The following SORL1 variants were observed in gnomAD, a reference collection of about 807,000 sequenced individuals.
The protein encoded by SORL1 is sortilin-related receptor.
Under a neutral mutation model 273.7 loss-of-function variants are expected in SORL1, and 127 were observed. That is an observed-to-expected ratio of 0.46 (90% confidence interval 0.40 to 0.54). The LOEUF is 0.54. Among genes scored for constraint, SORL1 ranks in the 20% least tolerant of loss-of-function variants. SORL1 has a pLI of 0.00. For missense variants in SORL1, 2,494 were observed against 2,846.1 expected, an observed-to-expected ratio of 0.88 and a Z score of 2.81; for synonymous variants, 1,031 against 1,067.4, an observed-to-expected ratio of 0.97 and a Z score of 0.66.
At position 121,627,717 on chromosome 11, in the gene SORL1, A is replaced by G; in HGVS notation, c.6527A>G (p.His2176Arg). 6.2e-7 allele frequency: 1 copy of G among 1,614,150 alleles called. No individual in the cohort carries two copies. Among genetic ancestry groups the G allele is most frequent in the Non-Finnish European group, 8.5e-7 (1 of 1,180,020 alleles). ...QSSFTAFANSHYSSRLGSAIF... is the reference protein window; with the variant it reads ...QSSFTAFANSRYSSRLGSAIF... The stretch of plus-strand genomic sequence containing the variant: ...AGCTTCACCGCCTTCGCCAACAGCC[A>G]CTACAGCTCCAGGCTGGGGTCCGCA... The change falls in exon 47 of 48, where the codon CAC (histidine) becomes CGC (arginine). Residue 2176 changes from histidine (H) to arginine (R), a missense_variant. Transcript: ENST00000260197. The surrounding 1 kb of genome is among the most constrained non-coding windows in gnomAD (Gnocchi z 4.9).
At chr11:121,539,336 G>A (rs1862311933) in intron 12 of SORL1, among the ~76,000 whole-genome samples, 1 of 152,198 alleles carries the variant, frequency 6.6e-6, no homozygotes, top group Non-Finnish European at 1.5e-5. Flanking sequence ...CTTTTCGTCT[G>A]AGTGCTCTCA....
At position 121,466,032 on chromosome 11, in the gene SORL1, T is replaced by G. The variant is rs187993085; in HGVS notation, c.286-3975T>G. The stretch of plus-strand genomic sequence containing the variant: ...AATGAGCCAGATGCTGTTTGTTGTT[T>G]ATGATGCAGTTTCTGTGTTCAGAGG... On this transcript the variant is annotated intron_variant, in intron 1 of 47. Transcript: ENST00000260197. 2.5e-3 allele frequency among the ~76,000 whole-genome samples: 385 copies of G among 152,310 alleles called. 2 individuals are homozygous for G. Among genetic ancestry groups the G allele is most frequent in the African/African-American group, 8.8e-3 (365 of 41,564 alleles).
intron 1 of SORL1, among the ~76,000 whole-genome samples, chr11:121,456,077 C>T (rs959972713): frequency 6.6e-6 from 1 of 152,102 alleles, no homozygotes; most frequent in African/African-American, 2.4e-5. Flanking sequence ...CTAATTCATG[C>T]CACACTGAAT....
chr11:121,569,974 C>T (rs1157920206), intron 22 of SORL1, among the ~76,000 whole-genome samples, 183 bp from the exon 23 acceptor site: 2 of 151,970 alleles, frequency 1.3e-5, no homozygotes, highest in South Asian at 2.1e-4. Flanking sequence ...TCAGACCGGC[C>T]GACACTTAGG....
At chr11:121,610,842 T>C in intron 38 of SORL1, 2 of 422,504 alleles carry the variant, frequency 4.7e-6, no homozygotes, top group Non-Finnish European at 8.6e-6. Flanking sequence ...CTGACCTAAT[T>C]GCCAGGATAG....
Position 121,530,024 on chromosome 11 carries a change from GTCT to G in SORL1, c.1597-2435_1597-2433del, listed in dbSNP as rs1373346695. Among the ~76,000 whole-genome samples the G allele has an allele frequency of 2.0e-5, 3 of 151,930 alleles. No individual in the cohort carries two copies. In the East Asian group the frequency reaches 5.8e-4, roughly 29 times the overall value. ...CAACATACATATCTAATCTTTTATA[GTCT>G]TCTTTGAGTTGATAATTGCACTTAA... is the stretch of plus-strand genomic sequence containing the variant. On this transcript the variant is annotated intron_variant, in intron 11 of 47. Coordinates refer to ENST00000260197, the MANE Select transcript of SORL1 (RefSeq NM_003105.6).
chr11:121,605,479 C>A lies in SORL1; in HGVS notation c.4856C>A (p.Pro1619Gln), dbSNP rs904656506. The change falls in exon 35 of 48, where the codon CCA (proline) becomes CAA (glutamine). Residue 1619 changes from proline (P) to glutamine (Q), a missense_variant. By Grantham distance (76) the Pro-to-Gln change is moderately conservative. Coordinates refer to ENST00000260197, the MANE Select transcript of SORL1 (RefSeq NM_003105.6). ...KTNTVLKVLK[P>Q]DTTYQVKVQV... is the part of the protein sequence containing the mutation. ...AACACTGTATTAAAAGTCTTGAAAC[C>A]AGATACCACGTATCAGGTTAAAGTA... is the stretch of plus-strand genomic sequence containing the variant. 6.2e-6 allele frequency: 10 copies of A among 1,613,946 alleles called. No homozygotes were observed. The African/African-American group carries it at 1.2e-4, about 19-fold the overall frequency.
intron 47 of SORL1, 182 bp from the exon 48 acceptor site, chr11:121,629,313 GC>G (rs1232199057): frequency 1.9e-6 from 1 of 534,794 alleles, no homozygotes; most frequent in Non-Finnish European, 3.3e-6. Flanking sequence ...GTAGAAGGTG[GC>G]CAGGAGGGAC....
Position 121,452,862 on chromosome 11 carries a change from G to A in SORL1, c.285+246G>A, listed in dbSNP as rs983989123. ...CCGGGTGCAGTGCGTATTACCCCAG[G>A]GTGTGTGCAGAGAGATGTAGTTTCC... On this transcript the variant is annotated intron_variant, in intron 1 of 47. Coordinates refer to ENST00000260197, the MANE Select transcript of SORL1 (RefSeq NM_003105.6). This position sits in a 1 kb window ranked among gnomAD's most constrained non-coding sequence, Gnocchi z 5.3. 6.7e-6 allele frequency: 3 copies of A among 444,672 alleles called. No homozygotes were observed. Among genetic ancestry groups the A allele is most frequent in the African/African-American group, 6.2e-5 (3 of 48,634 alleles). 27.5% of individuals were successfully genotyped at this position (444,672 alleles called of 1,614,324 possible). A position where few individuals can be genotyped will look rare whatever the true frequency, so the allele number is the denominator to read the frequency against.
intron 6 of SORL1, among the ~76,000 whole-genome samples, chr11:121,509,478 A>G (rs1199085228): frequency 2.0e-5 from 3 of 152,078 alleles, no homozygotes; most frequent in African/African-American, 7.2e-5. Flanking sequence ...TATTTATTTA[A>G]TTATTTATTT....
intron 23 of SORL1, among the ~76,000 whole-genome samples, chr11:121,570,679 G>T (rs76882853): frequency 0.071 from 10,816 of 152,220 alleles, 404 homozygotes; most frequent in Middle Eastern, 0.092. Flanking sequence ...GATGGGAAAT[G>T]AGTATTTACT....
rs1225627356 is a variant in SORL1, at chr11:121,583,667, G to C, written c.3706+84G>C. On this transcript the variant is annotated intron_variant, in intron 26 of 47. Coordinates refer to ENST00000260197, the MANE Select transcript of SORL1 (RefSeq NM_003105.6). ...GAGAGGCCACAGAGAGCCAGGGGAT[G>C]AAATGCTGTTCTCCTATGCCTGTAT... 4 of 1,450,630 alleles carry C rather than the reference G, an allele frequency of 2.8e-6. No homozygotes were observed. In the East Asian group the frequency reaches 7.5e-5, roughly 27 times the overall value. 89.9% of individuals were successfully genotyped at this position (1,450,630 alleles called of 1,614,324 possible).
chr11:121,477,270 A>G (rs1203718527), intron 2 of SORL1, among the ~76,000 whole-genome samples: 1 of 152,134 alleles, frequency 6.6e-6, no homozygotes, highest in Non-Finnish European at 1.5e-5. Flanking sequence ...GCAATCTTTC[A>G]TTTCCATCTT....
chr11:121,566,887 A>G (rs1454141375), intron 21 of SORL1, 53 bp from the exon 22 acceptor site: 2 of 1,529,610 alleles, frequency 1.3e-6, no homozygotes, highest in East Asian at 2.3e-5. Context: ...TGTATTCAGT[A>G]CCTCCCTCAT....
intron 38 of SORL1, 157 bp downstream of exon 38, chr11:121,608,333 T>A (rs572990753): frequency 1.6e-6 from 1 of 623,892 alleles, no homozygotes; most frequent in South Asian, 2.0e-5. Flanking sequence ...GTCTCTGTAG[T>A]GCTTTAGATA....
At chr11:121,590,314 G>A (rs2134899707) in intron 30 of SORL1, 140 bp downstream of exon 30, 1 of 780,762 alleles carries the variant, frequency 1.3e-6, no homozygotes, top group South Asian at 1.9e-5. Context: ...AATTTTTTCT[G>A]TTCCTCTTTC....
chr11:121,628,217 A>T (rs563232552), intron 47 of SORL1, among the ~76,000 whole-genome samples: 1 of 152,282 alleles, frequency 6.6e-6, no homozygotes, highest in African/African-American at 2.4e-5. Flanking sequence ...CTCACCAGCC[A>T]TTCTTTTATG....
At chr11:121,619,035 G>T in intron 42 of SORL1, 142 bp downstream of exon 42, 2 of 824,068 alleles carry the variant, frequency 2.4e-6, no homozygotes, top group Non-Finnish European at 3.9e-6. Context: ...TTCTTCATAA[G>T]CATCATCAGG....
Position 121,574,339 on chromosome 11 carries a change from G to A in SORL1, c.3436G>A (p.Asp1146Asn). The A allele has an allele frequency of 1.2e-6, 2 of 1,613,468 alleles. No homozygotes were observed. The highest frequency in any genetic ancestry group is 1.7e-6 in the Non-Finnish European group (2 of 1,179,452). The change falls in exon 24 of 48, where the codon GAC becomes AAC. Residue 1146 changes from aspartate (D) to asparagine (N), a missense_variant. By Grantham distance (23) the Asp-to-Asn change is conservative (BLOSUM62 1). This residue lies in a region of SORL1 where 1,609 missense variants were observed against 1,816.4 expected (regional missense o/e 0.89). Coordinates refer to ENST00000260197, the MANE Select transcript of SORL1 (RefSeq NM_003105.6). ...YKCDLEDDCG[D>N]NSDESHCEMH... is the part of the protein sequence containing the mutation. ...ATGTGACCTTGAGGATGACTGTGGA[G>A]ACAACAGTGATGAAAGTCATTGTGG... is the stretch of plus-strand genomic sequence containing the variant.
Sources: allele counts gnomAD v4.1 joint callset (sites outside exome capture counted in the v4.1 genomes callset), GRCh38; gene constraint gnomAD v4.1.1; regional missense constraint gnomAD v4.1.1; non-coding constraint Gnocchi (gnomAD v3.1); transcripts MANE v1.5; gene names NCBI Gene and HGNC (gene_info 2026-07-23, HGNC 2026-07-21).